The following NEBL variants were observed in gnomAD, a reference collection of about 807,000 sequenced individuals.
NEBL encodes nebulette, also known as LIM and SH3 protein 2.
NEBL carries 122 observed loss-of-function variants against 140.2 expected under a neutral mutation model. The observed-to-expected ratio is 0.87, with a 90% CI of 0.75 to 1.01. NEBL has a LOEUF of 1.01. Among genes scored for constraint, NEBL ranks in the 50% least tolerant of loss-of-function variants. The probability of loss-of-function intolerance (pLI) is 0.00; values close to 1 mark genes in which losing one functional copy is unlikely to be tolerated. For missense variants in NEBL, 1,365 were observed against 1,231.3 expected (o/e 1.11, Z -1.62); for synonymous variants, 436 against 398.9 (o/e 1.09, Z -1.11).
At chr10:21,157,347 A>G (rs1427984422) in intron 2 of NEBL, among the ~76,000 whole-genome samples, 1 of 152,136 alleles carries the variant, frequency 6.6e-6, no homozygotes, top group Admixed American at 6.5e-5. Context: ...AGGTGGGTGG[A>G]TCACGTGAGA....
At chr10:21,257,839 C>A (rs961945668) in intron 1 of NEBL, among the ~76,000 whole-genome samples, 2 of 151,568 alleles carry the variant, frequency 1.3e-5, no homozygotes, top group Non-Finnish European at 2.9e-5. Flanking sequence ...GAGCCTGGAT[C>A]GCGCCACTGC....
At chr10:21,272,040 T>A (rs889228697) in intron 1 of NEBL, among the ~76,000 whole-genome samples, 2 of 148,282 alleles carry the variant, frequency 1.3e-5, no homozygotes, top group Non-Finnish European at 3.0e-5. Flanking sequence ...TCACTGCAAG[T>A]TCCGCCTCCC....
At chr10:20,964,149 C>T (rs17810580) in intron 3 of NEBL, among the ~76,000 whole-genome samples, 1,736 of 152,208 alleles carry the variant, frequency 0.011, 19 homozygotes, top group Non-Finnish European at 0.018. Flanking sequence ...TCTCATGTGG[C>T]CCCTTTGCCC....
At chr10:20,793,286 T>C (rs1836177362) in intron 26 of NEBL, 1 of 888,554 alleles carries the variant, frequency 1.1e-6, no homozygotes, top group Non-Finnish European at 1.3e-6. Flanking sequence ...TACAAAATAA[T>C]TAAGCTCAAG....
chr10:20,996,002 C>T (rs1328978979), intron 3 of NEBL, among the ~76,000 whole-genome samples: 1 of 152,082 alleles, frequency 6.6e-6, no homozygotes, highest in African/African-American at 2.4e-5. Context: ...TATAAGATTC[C>T]TTCTGTGGCC....
At chr10:21,104,149 G>A (rs1368368623) in intron 2 of NEBL, among the ~76,000 whole-genome samples, 1 of 152,112 alleles carries the variant, frequency 6.6e-6, no homozygotes, top group African/African-American at 2.4e-5. Flanking sequence ...TTACCACACT[G>A]TCCTGATTAC....
intron 1 of NEBL, chr10:21,172,598 A>T: frequency 1.4e-6 from 1 of 727,136 alleles, no homozygotes; most frequent in Non-Finnish European, 2.4e-6. Context: ...TACAACAAAA[A>T]GAGTGTAGGG....
At chr10:20,949,776 T>C (rs1410690089) in intron 4 of NEBL, among the ~76,000 whole-genome samples, 1 of 152,198 alleles carries the variant, frequency 6.6e-6, no homozygotes, top group East Asian at 1.9e-4. Context: ...TATTTCCTTA[T>C]TTAAATGGCT....
At chr10:21,289,849 C>T (rs1334835511) in intron 1 of NEBL, among the ~76,000 whole-genome samples, 4 of 152,162 alleles carry the variant, frequency 2.6e-5, no homozygotes, top group African/African-American at 4.8e-5. Flanking sequence ...GCTTATTGTT[C>T]CATTGAAGAT....
At chr10:20,936,383 T>G (rs1378441567) in intron 4 of NEBL, among the ~76,000 whole-genome samples, 1 of 152,234 alleles carries the variant, frequency 6.6e-6, no homozygotes, top group African/African-American at 2.4e-5. Flanking sequence ...TCAAATCAGC[T>G]GTTTATGCCT....
chr10:20,896,833 G>T (rs1847540265), intron 2 of NEBL, 125 bp downstream of exon 2: 1 of 880,404 alleles, frequency 1.1e-6, no homozygotes, highest in Non-Finnish European at 1.9e-6. Context: ...TTTGTTCCAT[G>T]ATCTGGAAAG....
chr10:20,997,206 T>G (rs1564474571), intron 3 of NEBL, among the ~76,000 whole-genome samples: 1 of 152,072 alleles, frequency 6.6e-6, no homozygotes, highest in Non-Finnish European at 1.5e-5. Context: ...CACTCAATCC[T>G]TTGTTCATTT....
chr10:21,242,635 C>T (rs1440389816), intron 3 of NEBL, among the ~76,000 whole-genome samples: 1 of 152,144 alleles, frequency 6.6e-6, no homozygotes, highest in Non-Finnish European at 1.5e-5. Flanking sequence ...AAGAAACATC[C>T]TGCTGTACTG....
intron 2 of NEBL, among the ~76,000 whole-genome samples, chr10:21,063,103 C>A (rs182303054): frequency 5.9e-5 from 9 of 152,252 alleles, no homozygotes; most frequent in African/African-American, 2.2e-4. Flanking sequence ...GGGATGCCTG[C>A]AACATAACTG....
chr10:20,928,180 G>T (rs1242606099), intron 4 of NEBL, among the ~76,000 whole-genome samples: 1 of 151,962 alleles, frequency 6.6e-6, no homozygotes, highest in East Asian at 1.9e-4. Flanking sequence ...TGAAATACTT[G>T]GTACAGTTGA....
At chr10:20,869,875 A>G (rs1844743644) in intron 5 of NEBL, 34 bp from the exon 6 acceptor site, 7 of 1,332,878 alleles carry the variant, frequency 5.3e-6, no homozygotes, top group Non-Finnish European at 7.6e-6. Context: ...AAAAATAAAT[A>G]AATTAGTAAT....
At chr10:21,257,743 G>A (rs1054734591) in intron 1 of NEBL, among the ~76,000 whole-genome samples, 1 of 152,062 alleles carries the variant, frequency 6.6e-6, no homozygotes, top group Non-Finnish European at 1.5e-5. Flanking sequence ...AAACTAGGTG[G>A]GTGTGGTGGC....
chr10:21,135,465 G>C (rs1469593075), intron 2 of NEBL, among the ~76,000 whole-genome samples: 8 of 151,964 alleles, frequency 5.3e-5, no homozygotes, highest in African/African-American at 1.9e-4. Flanking sequence ...AATGATGCTT[G>C]ACATCATAAT....
rs1292764331 is a variant in NEBL, at chr10:20,935,287, T to TA, written c.357+26384dup. Among the ~76,000 whole-genome samples the TA allele has an allele frequency of 4.6e-5, 7 of 152,214 alleles. No individual in the cohort carries two copies. In the South Asian group the frequency reaches 1.4e-3, roughly 32 times the overall value. Reference sequence around the variant, plus strand: ...ATCACAACATAGATTCATTTCTGGATAAAAAATAACAGAAATTTTGAATCT... The same window carrying TA: ...ATCACAACATAGATTCATTTCTGGATAAAAAAATAACAGAAATTTTGAATCT... On this transcript the variant is annotated intron_variant, in intron 4 of 6. Transcript: ENST00000417816.
Sources: allele counts gnomAD v4.1 joint callset (sites outside exome capture counted in the v4.1 genomes callset), GRCh38; gene constraint gnomAD v4.1.1; transcripts MANE v1.5; gene names NCBI Gene and HGNC (gene_info 2026-07-23, HGNC 2026-07-21).